Variants in BCKDHB observed in about 807,000 individuals in gnomAD.
The protein encoded by BCKDHB is branched chain keto acid dehydrogenase E1 subunit beta.
Under a neutral mutation model 48.5 loss-of-function variants are expected in BCKDHB, and 41 were observed. The ratio of observed to expected loss-of-function variants is 0.85; its 90% CI spans 0.66 to 1.10. The LOEUF (loss-of-function observed/expected upper bound fraction) is 1.10. Ranked by LOEUF, BCKDHB falls within the 50% of genes least tolerant of loss-of-function variation. The pLI, the probability that BCKDHB is intolerant of heterozygous loss-of-function variation, is 0.00. For synonymous variants in BCKDHB, 201 were observed against 174.8 expected, an observed-to-expected ratio of 1.15 and a Z score of -1.18; for missense variants, 496 against 494.2, an observed-to-expected ratio of 1.00 and a Z score of -0.03.
chr6:80,155,217 T>C (rs551524603), intron 3 of BCKDHB, among the ~76,000 whole-genome samples: 9 of 152,250 alleles, frequency 5.9e-5, no homozygotes, highest in African/African-American at 1.9e-4. Flanking sequence ...AGCTATCTTA[T>C]TTGCATAGGT....
chr6:80,204,695 A>G (rs1382763461), intron 8 of BCKDHB, among the ~76,000 whole-genome samples: 1 of 152,090 alleles, frequency 6.6e-6, no homozygotes, highest in Non-Finnish European at 1.5e-5. Flanking sequence ...TACCTTAAAC[A>G]TTCAAAAAGC....
the BCKDHB span, among the ~76,000 whole-genome samples, chr6:80,395,659 G>T: frequency 6.6e-6 from 1 of 152,242 alleles, no homozygotes; most frequent in African/African-American, 2.4e-5. Flanking sequence ...GTCTTCTGCA[G>T]AAATTTGCAT....
chr6:80,106,623 C>G, upstream of BCKDHB: 1 of 1,507,040 alleles, frequency 6.6e-7, no homozygotes, highest in Non-Finnish European at 8.9e-7. Flanking sequence ...GTGGAAGCCT[C>G]CTCGGGTGCT....
the BCKDHB span, among the ~76,000 whole-genome samples, chr6:80,432,788 G>C: frequency 6.6e-6 from 1 of 152,116 alleles, no homozygotes; most frequent in Non-Finnish European, 1.5e-5. Flanking sequence ...TAGCCATTTT[G>C]CTCTGGTTTC....
chr6:80,321,582 T>C (rs771755784), intron 9 of BCKDHB, among the ~76,000 whole-genome samples: 8 of 152,158 alleles, frequency 5.3e-5, no homozygotes, highest in Admixed American at 1.3e-4. Flanking sequence ...GTTTATATTT[T>C]TTATCAACAT....
intron 3 of BCKDHB, among the ~76,000 whole-genome samples, chr6:80,141,945 G>C (rs1202790414): frequency 6.6e-6 from 1 of 152,002 alleles, no homozygotes; most frequent in East Asian, 1.9e-4. Flanking sequence ...CCTTTAACAG[G>C]GGGAGGAACC....
intron 9 of BCKDHB, among the ~76,000 whole-genome samples, chr6:80,330,632 A>G (rs1452618095): frequency 6.6e-6 from 1 of 152,172 alleles, no homozygotes; most frequent in African/African-American, 2.4e-5. Flanking sequence ...AATAGGAAGG[A>G]TATGTATTTA....
At chr6:80,379,305 T>G in the BCKDHB span, among the ~76,000 whole-genome samples, 1 of 152,012 alleles carries the variant, frequency 6.6e-6, no homozygotes, top group Non-Finnish European at 1.5e-5. Flanking sequence ...ATAAACACGA[T>G]TCACCATATA....
the BCKDHB span, among the ~76,000 whole-genome samples, chr6:80,382,528 T>C: frequency 1.3e-5 from 2 of 152,200 alleles, no homozygotes; most frequent in African/African-American, 4.8e-5. Context: ...GGGTTTGCAT[T>C]GGACCTCCAC....
the BCKDHB span, among the ~76,000 whole-genome samples, chr6:80,396,478 A>T: frequency 6.6e-6 from 1 of 152,214 alleles, no homozygotes; most frequent in Non-Finnish European, 1.5e-5. Flanking sequence ...AGACTTTGCA[A>T]GACTGTTGGG....
chr6:80,134,271 A>G (rs1162452352), intron 3 of BCKDHB, among the ~76,000 whole-genome samples: 1 of 152,164 alleles, frequency 6.6e-6, no homozygotes, highest in Non-Finnish European at 1.5e-5. Context: ...ATGTTTTTCC[A>G]TTACTGTATC....
At chr6:80,411,512 C>T in the BCKDHB span, among the ~76,000 whole-genome samples, 1 of 152,196 alleles carries the variant, frequency 6.6e-6, no homozygotes, top group Non-Finnish European at 1.5e-5. Context: ...CAGACAGGGA[C>T]GTTAAAGTCT....
At chr6:80,257,754 G>A (rs934206051) in intron 8 of BCKDHB, among the ~76,000 whole-genome samples, 1 of 152,174 alleles carries the variant, frequency 6.6e-6, no homozygotes, top group South Asian at 2.1e-4. Flanking sequence ...GGCGGTTCTG[G>A]TGTAAGTCCC....
At chr6:80,166,382 C>A (rs894642501) in intron 3 of BCKDHB, among the ~76,000 whole-genome samples, 20 of 151,860 alleles carry the variant, frequency 1.3e-4, no homozygotes, top group Non-Finnish European at 2.9e-4. Flanking sequence ...CTAGCCAGGC[C>A]CGGTAGCTCA....
At chr6:80,135,530 G>C (rs1375154694) in intron 3 of BCKDHB, among the ~76,000 whole-genome samples, 1 of 152,024 alleles carries the variant, frequency 6.6e-6, no homozygotes, top group Non-Finnish European at 1.5e-5. Flanking sequence ...ATTGTTAGTA[G>C]CTTTAAATTG....
chr6:80,183,448 A>G (rs1338884041), intron 6 of BCKDHB, among the ~76,000 whole-genome samples: 2 of 152,154 alleles, frequency 1.3e-5, no homozygotes, highest in Admixed American at 1.3e-4. Context: ...GTTATTTTTT[A>G]AGAGCAATTT....
chr6:80,159,029 A>G (rs375191435), intron 3 of BCKDHB, among the ~76,000 whole-genome samples: 13 of 152,166 alleles, frequency 8.5e-5, no homozygotes, highest in African/African-American at 2.4e-4. Context: ...TAAGGGGAAC[A>G]CCATTTTCCC....
chr6:80,246,560 T>A lies in BCKDHB; in HGVS notation c.952-26575T>A, dbSNP rs999464356. On this transcript the variant is annotated intron_variant, in intron 8 of 9. Coordinates refer to ENST00000320393, the MANE Select transcript of BCKDHB (RefSeq NM_183050.4). Reference sequence around the variant, plus strand: ...TGGTGGGAGGAGACATGAGAATGTTTTTTTATCTCACTGACATCCTACTGA... The same window carrying A: ...TGGTGGGAGGAGACATGAGAATGTTATTTTATCTCACTGACATCCTACTGA... 6.6e-5 allele frequency among the ~76,000 whole-genome samples: 10 copies of A among 152,276 alleles called. No individual in the cohort carries two copies. In the East Asian group the frequency reaches 1.9e-3, roughly 29 times the overall value.
chr6:80,176,428 G>A (rs1773158153), intron 6 of BCKDHB, among the ~76,000 whole-genome samples: 1 of 152,086 alleles, frequency 6.6e-6, no homozygotes, highest in Non-Finnish European at 1.5e-5. Flanking sequence ...TCCAGGTCCT[G>A]GACACATTTA....
Sources: gnomAD v4.1 joint callset for allele counts (sites outside exome capture counted in the v4.1 genomes callset) on GRCh38, gnomAD v4.1.1 for gene constraint, MANE v1.5 for transcripts, NCBI Gene and HGNC (gene_info 2026-07-23, HGNC 2026-07-21) for gene names.